Variants in CPNE8 observed in about 807,000 individuals in gnomAD.
The protein encoded by CPNE8 is copine 8.
In CPNE8, 45 loss-of-function variants were observed where a neutral mutation model predicts 81.5. The ratio of observed to expected loss-of-function variants is 0.55; its 90% CI spans 0.44 to 0.71. The LOEUF is 0.71. CPNE8 is among the 30% of genes least tolerant of loss of function. The pLI, the probability that CPNE8 is intolerant of heterozygous loss-of-function variation, is 0.00. For missense variants in CPNE8, 594 were observed against 672.1 expected (o/e 0.88, Z 1.28); for synonymous variants, 252 against 226.3 (o/e 1.11, Z -1.02).
At chr12:38,857,257 A>G (rs556093367) in intron 3 of CPNE8, among the ~76,000 whole-genome samples, 7 of 152,314 alleles carry the variant, frequency 4.6e-5, no homozygotes, top group South Asian at 4.1e-4. Context: ...AATTAAAATC[A>G]TAACTACAAC....
At chr12:38,780,900 T>A (rs1421643941) in intron 6 of CPNE8, among the ~76,000 whole-genome samples, 1 of 151,556 alleles carries the variant, frequency 6.6e-6, no homozygotes, top group Non-Finnish European at 1.5e-5. Context: ...AGATCTAAGA[T>A]GAAAAAAGAA....
At chr12:38,829,954 G>C (rs774474280) in intron 5 of CPNE8, among the ~76,000 whole-genome samples, 3 of 152,118 alleles carry the variant, frequency 2.0e-5, no homozygotes, top group Non-Finnish European at 4.4e-5. Context: ...GTGATTGTAG[G>C]CAATTAATTA....
rs11169673 is a variant in CPNE8, at chr12:38,819,490, G to T, written c.407+9889C>A. Among the ~76,000 whole-genome samples the T allele has an allele frequency of 5.3e-3, 799 of 152,096 alleles. 8 individuals are homozygous for T. The highest frequency in any genetic ancestry group is 0.019 in the African/African-American group (769 of 41,490). On this transcript the variant is annotated intron_variant, in intron 6 of 19. Coordinates refer to ENST00000331366, the MANE Select transcript of CPNE8 (RefSeq NM_153634.3). ...TAAGTATAACAGCAGAGATAGGGCC[G>T]GGCGCGGTGGCTCACGTCTGTAATT... is the stretch of plus-strand genomic sequence containing the variant.
intron 10 of CPNE8, among the ~76,000 whole-genome samples, chr12:38,742,666 C>G (rs1217076192): frequency 9.3e-6 from 1 of 107,730 alleles, no homozygotes; most frequent in Admixed American, 1.1e-4. Context: ...TACCCTAGAA[C>G]TTAAAATATA....
In CPNE8 at chr12:38,862,247, T is replaced by C. The variant is rs559957612; in HGVS notation, c.186+10757A>G. On this transcript the variant is annotated intron_variant, in intron 3 of 19. Transcript: ENST00000331366. ...TGTAGGTCAAATTAGCTTGTTAGCA[T>C]TATACATATTATTATATATATTATA... 5.9e-4 allele frequency among the ~76,000 whole-genome samples: 89 copies of C among 150,044 alleles called. 1 individual carries two copies. The Middle Eastern group carries it at 0.014, about 23-fold the overall frequency.
chr12:38,796,197 G>T (rs1040948418), intron 6 of CPNE8, among the ~76,000 whole-genome samples: 1 of 152,128 alleles, frequency 6.6e-6, no homozygotes, highest in Non-Finnish European at 1.5e-5. Flanking sequence ...TAAGGCAAAA[G>T]AAGCACTTGA....
At chr12:38,821,894 A>G (rs901691207) in intron 6 of CPNE8, among the ~76,000 whole-genome samples, 2 of 152,236 alleles carry the variant, frequency 1.3e-5, no homozygotes, top group Non-Finnish European at 2.9e-5. Flanking sequence ...CTTCGATTAT[A>G]TGTAAACCTC....
chr12:38,745,723 T>A (rs1223233534), intron 10 of CPNE8, among the ~76,000 whole-genome samples: 1 of 152,138 alleles, frequency 6.6e-6, no homozygotes, highest in Non-Finnish European at 1.5e-5. Context: ...AAAAAAATTA[T>A]TTGTAGAGAC....
intron 4 of CPNE8, among the ~76,000 whole-genome samples, chr12:38,844,001 G>C (rs753683464): frequency 6.6e-6 from 1 of 152,152 alleles, no homozygotes; most frequent in Non-Finnish European, 1.5e-5. Flanking sequence ...ATTAGACTTC[G>C]ACATTGTTAA....
At chr12:38,787,868 T>A (rs550422450) in intron 6 of CPNE8, among the ~76,000 whole-genome samples, 1 of 149,250 alleles carries the variant, frequency 6.7e-6, no homozygotes, top group Admixed American at 6.7e-5. Context: ...TACCTAGACA[T>A]ATACAATCTA....
intron 6 of CPNE8, among the ~76,000 whole-genome samples, chr12:38,792,308 T>A (rs936109429): frequency 1.3e-5 from 2 of 149,624 alleles, no homozygotes; most frequent in African/African-American, 2.4e-5. Flanking sequence ...TTTTTTTTTT[T>A]AAAGATTGAC....
At position 38,901,197 on chromosome 12, in the gene CPNE8, G is replaced by A. The variant is rs188015696; in HGVS notation, c.98+4240C>T. 2.8e-4 allele frequency among the ~76,000 whole-genome samples: 42 copies of A among 152,200 alleles called. 1 individual carries two copies. The East Asian group carries it at 6.8e-3, about 24-fold the overall frequency. On this transcript the variant is annotated intron_variant, in intron 1 of 19. Coordinates refer to ENST00000331366, the MANE Select transcript of CPNE8 (RefSeq NM_153634.3). ...GATCGCACCACTGCACTCCAGCCTG[G>A]GCCACAGAGTGAGATTCCATCTCAA...
At chr12:38,813,175 G>A (rs1175032491) in intron 6 of CPNE8, among the ~76,000 whole-genome samples, 1 of 152,118 alleles carries the variant, frequency 6.6e-6, no homozygotes, top group African/African-American at 2.4e-5. Flanking sequence ...AAAGGGGGCT[G>A]AATTTTATAT....
At position 38,730,398 on chromosome 12, in the gene CPNE8, T is replaced by C. The variant is rs373925413; in HGVS notation, c.723-40A>G. ...AAAAAGTACATAATATTGGCTTTCA[T>C]ATATTTGTCAACTGTATTTTAAAGT... On this transcript the variant is annotated intron_variant, in intron 10 of 19. Transcript: ENST00000331366. 2.3e-5 allele frequency: 27 copies of C among 1,166,126 alleles called. No homozygotes were observed. The African/African-American group carries it at 3.5e-4, about 15-fold the overall frequency. The allele number at this position is 1,166,126 out of a possible 1,614,324, so 72.2% of individuals were successfully genotyped here.
intron 5 of CPNE8, among the ~76,000 whole-genome samples, chr12:38,838,123 C>A (rs767872254): frequency 6.6e-6 from 1 of 152,072 alleles, no homozygotes; most frequent in Non-Finnish European, 1.5e-5. Context: ...AATATCCAAC[C>A]CCATGGAAAT....
intron 1 of CPNE8, among the ~76,000 whole-genome samples, chr12:38,884,913 A>G (rs1374209758): frequency 6.6e-6 from 1 of 152,164 alleles, no homozygotes; most frequent in Non-Finnish European, 1.5e-5. Flanking sequence ...AACTCCCCAC[A>G]CCCAAAGTAT....
chr12:38,769,353 A>G (rs991095889), intron 7 of CPNE8, among the ~76,000 whole-genome samples: 1 of 152,220 alleles, frequency 6.6e-6, no homozygotes, highest in Non-Finnish European at 1.5e-5. Flanking sequence ...TATCACCTCA[A>G]ACCTCTCAAG....
intron 10 of CPNE8, among the ~76,000 whole-genome samples, chr12:38,736,488 A>T (rs1940956630): frequency 6.9e-6 from 1 of 144,522 alleles, no homozygotes; most frequent in Non-Finnish European, 1.5e-5. Context: ...TTAAGCCAAA[A>T]TTGTATGCCT....
At chr12:38,845,572 T>A (rs1295370758) in intron 4 of CPNE8, among the ~76,000 whole-genome samples, 2 of 151,636 alleles carry the variant, frequency 1.3e-5, no homozygotes, top group Non-Finnish European at 2.9e-5. Context: ...AACACATTGC[T>A]AAGAATTTTA....
Sources: allele counts gnomAD v4.1 joint callset (sites outside exome capture counted in the v4.1 genomes callset), GRCh38; gene constraint gnomAD v4.1.1; transcripts MANE v1.5; gene names NCBI Gene and HGNC (gene_info 2026-07-23, HGNC 2026-07-21).